The following ZMAT4 variants were observed in gnomAD, a reference collection of about 807,000 sequenced individuals.
The protein encoded by ZMAT4 is zinc finger matrin-type 4, also known as zinc finger matrin-type protein 4.
ZMAT4 carries 17 observed loss-of-function variants against 28.7 expected under a neutral mutation model. The ratio of observed to expected loss-of-function variants is 0.59; its 90% confidence interval spans 0.41 to 0.89. ZMAT4 has a LOEUF of 0.89. ZMAT4 is among the 40% of genes least tolerant of loss of function. ZMAT4 has a pLI of 0.00. For missense variants in ZMAT4, 240 were observed against 283.8 expected, an observed-to-expected ratio of 0.85 and a Z score of 1.11; for synonymous variants, 117 against 109.2, an observed-to-expected ratio of 1.07 and a Z score of -0.44.
intron 2 of ZMAT4, among the ~76,000 whole-genome samples, chr8:40,769,918 G>A (rs1213177254): frequency 6.6e-6 from 1 of 152,048 alleles, no homozygotes; most frequent in Non-Finnish European, 1.5e-5. Context: ...AAAAGGAAAG[G>A]AAAATAAATG....
intron 4 of ZMAT4, among the ~76,000 whole-genome samples, chr8:40,685,218 G>T (rs1435966823): frequency 6.6e-6 from 1 of 152,118 alleles, no homozygotes; most frequent in East Asian, 1.9e-4. Flanking sequence ...GCTCCATCAT[G>T]TCAAGTCCCT....
intron 3 of ZMAT4, among the ~76,000 whole-genome samples, chr8:40,736,831 TA>T (rs760107301): frequency 1.3e-5 from 2 of 151,906 alleles, no homozygotes; most frequent in Non-Finnish European, 2.9e-5. Context: ...GATGAGGGGC[TA>T]AGCAGCTAAC....
chr8:40,718,260 G>A (rs143933324), intron 3 of ZMAT4, among the ~76,000 whole-genome samples: 1,790 of 152,326 alleles, frequency 0.012, 33 homozygotes, highest in African/African-American at 0.038. Context: ...ACCAGTCTGC[G>A]TCAGCAGTGT....
chr8:40,813,541 C>A (rs770750423), intron 2 of ZMAT4, among the ~76,000 whole-genome samples: 1 of 152,206 alleles, frequency 6.6e-6, no homozygotes, highest in Non-Finnish European at 1.5e-5. Flanking sequence ...GAAGCATGAA[C>A]CTTTCCATGA....
At chr8:40,812,122 C>A (rs1401305907) in intron 2 of ZMAT4, among the ~76,000 whole-genome samples, 1 of 152,110 alleles carries the variant, frequency 6.6e-6, no homozygotes, top group Non-Finnish European at 1.5e-5. Context: ...CAGAGTGAGA[C>A]TCCATCTCTA....
chr8:40,694,748 A>G (rs1809805184), intron 4 of ZMAT4, among the ~76,000 whole-genome samples: 2 of 152,118 alleles, frequency 1.3e-5, no homozygotes, highest in Admixed American at 1.3e-4. Flanking sequence ...TTCTCCCCCA[A>G]GGATAGCCTG....
intron 2 of ZMAT4, among the ~76,000 whole-genome samples, chr8:40,820,400 ATG>A (rs1364384536): frequency 1.7e-5 from 2 of 120,260 alleles, no homozygotes; most frequent in East Asian, 2.8e-4. Context: ...GTTTGTGTGT[ATG>A]TGTGTGAAAG....
In ZMAT4 at chr8:40,557,146, A is replaced by G. The variant is rs34760760; in HGVS notation, c.674+24019T>C. 6.4e-3 allele frequency among the ~76,000 whole-genome samples: 969 copies of G among 152,192 alleles called. 7 individuals are homozygous for G. Among genetic ancestry groups the G allele is most frequent in the Non-Finnish European group, 0.011 (723 of 67,996 alleles). ...ACATAATGACCTCAAGTTTCACCCA[A>G]AGGAAAAGAAATGTATATTTCAAAA... On this transcript the variant is annotated intron_variant, in intron 6 of 6. Transcript: ENST00000297737.
chr8:40,895,325 T>C (rs899707570), intron 1 of ZMAT4, among the ~76,000 whole-genome samples: 2 of 152,240 alleles, frequency 1.3e-5, no homozygotes, highest in African/African-American at 4.8e-5. Context: ...GGCACGCAGC[T>C]TCACAAGGAG....
At chr8:40,616,764 A>T (rs1011293711) in intron 5 of ZMAT4, among the ~76,000 whole-genome samples, 11 of 152,216 alleles carry the variant, frequency 7.2e-5, no homozygotes, top group African/African-American at 2.6e-4. Flanking sequence ...GAGGGATAGC[A>T]TTAGGAGATA....
At chr8:40,744,654 C>G (rs1812144631) in intron 3 of ZMAT4, among the ~76,000 whole-genome samples, 1 of 152,094 alleles carries the variant, frequency 6.6e-6, no homozygotes, top group Admixed American at 6.5e-5. Flanking sequence ...CAACACCCAC[C>G]CCAGGTATTA....
chr8:40,688,646 A>C (rs569567812), intron 4 of ZMAT4, among the ~76,000 whole-genome samples: 41 of 152,246 alleles, frequency 2.7e-4, no homozygotes, highest in Non-Finnish European at 4.4e-4. Context: ...TTAGCAGGAA[A>C]TCCTACACAA....
chr8:40,567,816 T>C (rs1387462617), intron 6 of ZMAT4, among the ~76,000 whole-genome samples: 2 of 152,108 alleles, frequency 1.3e-5, no homozygotes, highest in Admixed American at 6.5e-5. Flanking sequence ...CTGTCATGCA[T>C]AGACATCATT....
intron 5 of ZMAT4, among the ~76,000 whole-genome samples, chr8:40,586,141 C>T (rs1261214884): frequency 6.6e-6 from 1 of 152,140 alleles, no homozygotes; most frequent in African/African-American, 2.4e-5. Context: ...GAGGAGTCCT[C>T]CCCCACGCAT....
intron 1 of ZMAT4, among the ~76,000 whole-genome samples, chr8:40,841,422 C>A (rs1027328006): frequency 2.6e-5 from 4 of 152,186 alleles, no homozygotes; most frequent in Non-Finnish European, 5.9e-5. Context: ...CTCCCTGTCC[C>A]TTCCACGTCT....
At chr8:40,557,356 T>C (rs577050708) in intron 6 of ZMAT4, among the ~76,000 whole-genome samples, 3 of 151,936 alleles carry the variant, frequency 2.0e-5, no homozygotes, top group African/African-American at 7.2e-5. Flanking sequence ...CTCCTACTCC[T>C]ACTCTAGCTC....
chr8:40,728,762 TAC>T (rs1369715902), intron 3 of ZMAT4, among the ~76,000 whole-genome samples: 2 of 152,222 alleles, frequency 1.3e-5, no homozygotes, highest in Non-Finnish European at 2.9e-5. Flanking sequence ...TGACAACTGT[TAC>T]ACCTGTGTAA....
chr8:40,876,833 C>T (rs1270510400), intron 1 of ZMAT4, among the ~76,000 whole-genome samples: 1 of 152,190 alleles, frequency 6.6e-6, no homozygotes, highest in Non-Finnish European at 1.5e-5. Flanking sequence ...CCCTTAACCC[C>T]TTCATTGTTC....
intron 6 of ZMAT4, among the ~76,000 whole-genome samples, chr8:40,566,533 A>C (rs1320939606): frequency 1.3e-5 from 2 of 151,996 alleles, no homozygotes; most frequent in Non-Finnish European, 2.9e-5. Flanking sequence ...TGGGAGGTGC[A>C]TTTTTACTTT....
Sources: allele counts gnomAD v4.1 joint callset (sites outside exome capture counted in the v4.1 genomes callset), GRCh38; gene constraint gnomAD v4.1.1; transcripts MANE v1.5; gene names NCBI Gene and HGNC (gene_info 2026-07-23, HGNC 2026-07-21).